The following SPECC1 variants were observed in gnomAD, a reference collection of about 807,000 sequenced individuals.
SPECC1 encodes the protein cytospin-B.
A neutral mutation model predicts 104.1 loss-of-function variants in SPECC1; 62 were observed. The ratio of observed to expected loss-of-function variants is 0.60; its 90% CI spans 0.49 to 0.74. SPECC1 has a LOEUF of 0.74. Ranked by LOEUF, SPECC1 falls within the 30% of genes least tolerant of loss-of-function variation. The pLI, the probability that SPECC1 is intolerant of heterozygous loss-of-function variation, is 0.00. For missense variants in SPECC1, 1,306 were observed against 1,310.5 expected (o/e 1.00, Z 0.05); for synonymous variants, 513 against 501.6 (o/e 1.02, Z -0.30).
At chr17:20,261,555 C>T (rs1359624434) in intron 12 of SPECC1, among the ~76,000 whole-genome samples, 2 of 151,430 alleles carry the variant, frequency 1.3e-5, no homozygotes, top group Non-Finnish European at 2.9e-5. Context: ...GTGATGCCTC[C>T]ACCCAAGAAG....
intron 3 of SPECC1, among the ~76,000 whole-genome samples, chr17:20,170,117 T>C (rs1398648525): frequency 6.6e-6 from 1 of 152,192 alleles, no homozygotes; most frequent in African/African-American, 2.4e-5. Flanking sequence ...CTCCGTCCAG[T>C]TTGTCCGCTA....
At chr17:20,132,712 G>GTTAT (rs56948106) in intron 3 of SPECC1, among the ~76,000 whole-genome samples, 3,243 of 144,958 alleles carry the variant, frequency 0.022, 49 homozygotes, top group Middle Eastern at 0.045. Flanking sequence ...TTTATGTGTA[G>GTTAT]TTATTTATTT....
intron 12 of SPECC1, among the ~76,000 whole-genome samples, chr17:20,260,944 C>T (rs1283550941): frequency 6.6e-6 from 1 of 152,076 alleles, no homozygotes; most frequent in African/African-American, 2.4e-5. Context: ...TAGCATTCTT[C>T]CCTGAGATGA....
At chr17:20,115,500 TAAAAA>T (rs927016950) in intron 3 of SPECC1, among the ~76,000 whole-genome samples, 1 of 150,880 alleles carries the variant, frequency 6.6e-6, no homozygotes, top group African/African-American at 2.4e-5. Context: ...TAAATAAAAA[TAAAAA>T]AAATTGGAGA....
intron 3 of SPECC1, chr17:20,156,118 G>T: frequency 7.3e-7 from 1 of 1,374,518 alleles, no homozygotes; most frequent in South Asian, 1.7e-5. Flanking sequence ...CGCCTCGCCA[G>T]CCGGAGCCAG....
chr17:20,273,006 C>T lies in SPECC1; in HGVS notation c.2940+12712C>T, dbSNP rs1409302083. Reference sequence around the variant, plus strand: ...AGGTGGAGGCTCTGCAAAGCTGACCCCCTCCCTGGCCTGCGTATGAGGCCT... The same window carrying T: ...AGGTGGAGGCTCTGCAAAGCTGACCTCCTCCCTGGCCTGCGTATGAGGCCT... On this transcript the variant is annotated intron_variant, in intron 12 of 14. Coordinates refer to ENST00000395527, the MANE Select transcript of SPECC1 (RefSeq NM_001243439.2). 2.0e-5 allele frequency among the ~76,000 whole-genome samples: 3 copies of T among 152,278 alleles called. No homozygotes were observed. The East Asian group carries it at 5.8e-4, about 29-fold the overall frequency.
At chr17:20,249,559 C>G (rs1461096107) in intron 9 of SPECC1, among the ~76,000 whole-genome samples, 3 of 151,990 alleles carry the variant, frequency 2.0e-5, no homozygotes, top group African/African-American at 7.3e-5. Flanking sequence ...CCTAAAACAA[C>G]TGAGATTAAT....
chr17:20,303,579 C>T (rs1598171860), intron 13 of SPECC1, among the ~76,000 whole-genome samples: 1 of 151,922 alleles, frequency 6.6e-6, no homozygotes, highest in South Asian at 2.1e-4. Flanking sequence ...GAGTGAGAGC[C>T]GTGGGGGAAA....
chr17:20,086,729 G>C (rs73299621), intron 1 of SPECC1, among the ~76,000 whole-genome samples: 77 of 152,312 alleles, frequency 5.1e-4, no homozygotes, highest in African/African-American at 1.8e-3. Context: ...GGGGGCTCTC[G>C]TTATGGAGGG....
chr17:20,207,533 T>A (rs2036866366), intron 4 of SPECC1, among the ~76,000 whole-genome samples: 1 of 152,216 alleles, frequency 6.6e-6, no homozygotes, highest in African/African-American at 2.4e-5. Flanking sequence ...TTTTGGTAGT[T>A]TGGCATTACA....
intron 3 of SPECC1, among the ~76,000 whole-genome samples, chr17:20,149,329 G>T (rs1045690797): frequency 6.6e-6 from 1 of 152,184 alleles, no homozygotes; most frequent in Non-Finnish European, 1.5e-5. Flanking sequence ...CACTTGGCTC[G>T]TGTCAGGGAA....
intron 3 of SPECC1, among the ~76,000 whole-genome samples, chr17:20,187,158 A>G (rs1027042106): frequency 1.3e-5 from 2 of 151,984 alleles, no homozygotes; most frequent in Non-Finnish European, 2.9e-5. Context: ...CAGCACTCAG[A>G]ATGTTTAGGG....
In SPECC1 at chr17:20,191,240, A is replaced by G. The variant is rs2035648168; in HGVS notation, c.284-13093A>G. The stretch of plus-strand genomic sequence containing the variant: ...ATGTTTTTGACTCATTTGGCTAAAT[A>G]CCAAGGAGTGCTATTGCTGGATCAT... On this transcript the variant is annotated intron_variant, in intron 3 of 14. Coordinates refer to ENST00000395527, the MANE Select transcript of SPECC1 (RefSeq NM_001243439.2). 2.0e-5 allele frequency among the ~76,000 whole-genome samples: 3 copies of G among 152,320 alleles called. No individual in the cohort carries two copies. In the South Asian group the frequency reaches 6.2e-4, roughly 32 times the overall value.
At chr17:20,209,471 T>G (rs934598153) in intron 4 of SPECC1, among the ~76,000 whole-genome samples, 1 of 152,200 alleles carries the variant, frequency 6.6e-6, no homozygotes, top group Non-Finnish European at 1.5e-5. Flanking sequence ...AAAAGTACTT[T>G]TTTAAAAATA....
intron 13 of SPECC1, among the ~76,000 whole-genome samples, chr17:20,298,371 G>A (rs2041426742): frequency 6.6e-6 from 1 of 152,168 alleles, no homozygotes; most frequent in South Asian, 2.1e-4. Flanking sequence ...GAAGGTAGAG[G>A]AGGCAGCAGT....
intron 2 of SPECC1, among the ~76,000 whole-genome samples, chr17:20,104,740 CAAAAAA>C (rs745893309): frequency 1.9e-3 from 109 of 57,216 alleles, no homozygotes; most frequent in African/African-American, 2.7e-3. Context: ...GAGACTGTCT[CAAAAAA>C]AAAAAAAAAA....
intron 3 of SPECC1, among the ~76,000 whole-genome samples, chr17:20,141,451 T>A (rs2030790374): frequency 6.6e-6 from 1 of 152,202 alleles, no homozygotes; most frequent in Non-Finnish European, 1.5e-5. Flanking sequence ...TCATGCTAAC[T>A]GATTCAGAGC....
At chr17:20,311,373 A>ATTTTTTTTTTTTTTTTTTTTTTTT (rs749854561) in intron 14 of SPECC1, among the ~76,000 whole-genome samples, 1 of 146,296 alleles carries the variant, frequency 6.8e-6, no homozygotes. Context: ...CTTCCAGTAC[A>ATTTTTTTTTTTTTTTTTTTTTTTT]TTTTTTTTTT....
intron 14 of SPECC1, among the ~76,000 whole-genome samples, chr17:20,310,199 T>C (rs1015362824): frequency 7.2e-5 from 11 of 152,194 alleles, no homozygotes; most frequent in African/African-American, 2.7e-4. Flanking sequence ...GTGATGAACA[T>C]AAGTGTGCAT....
Sources: allele counts gnomAD v4.1 joint callset (sites outside exome capture counted in the v4.1 genomes callset), GRCh38; gene constraint gnomAD v4.1.1; transcripts MANE v1.5; gene names NCBI Gene and HGNC (gene_info 2026-07-23, HGNC 2026-07-21).